The following HMCN2 variants were observed in gnomAD, a reference collection of about 807,000 sequenced individuals.
HMCN2 encodes the protein hemicentin 2.
HMCN2 carries 325 observed loss-of-function variants against 377.5 expected under a neutral mutation model. The ratio of observed to expected loss-of-function variants is 0.86; its 90% confidence interval spans 0.79 to 0.94. The LOEUF is 0.94. HMCN2 is among the 40% of genes least tolerant of loss of function. The probability of loss-of-function intolerance (pLI) is 0.00; values close to 1 mark genes in which losing one functional copy is unlikely to be tolerated. For missense variants in HMCN2, 4,543 were observed against 4,725.3 expected (o/e 0.96, Z 1.13); for synonymous variants, 2,007 against 2,046.8 (o/e 0.98, Z 0.53).
At chr9:130,385,014 A>C (rs575992806) in intron 59 of HMCN2, among the ~76,000 whole-genome samples, 1 of 152,278 alleles carries the variant, frequency 6.6e-6, no homozygotes, top group South Asian at 2.1e-4. Context: ...TGGTGGGGGA[A>C]GCCTGTTTCA....
rs1834081512 is a variant in HMCN2 at position 130,266,141 on chromosome 9, G to A, written c.259+4G>A. The A allele has an allele frequency of 2.2e-6, 1 of 463,502 alleles. No homozygotes were observed. Among genetic ancestry groups the A allele is most frequent in the South Asian group, 1.6e-5 (1 of 64,452 alleles). 28.7% of individuals were successfully genotyped at this position (463,502 alleles called of 1,614,324 possible). ...CTGGTGCCCTTCCACGACCCAGGTA[G>A]CGCCCCCGCACCCCCGCCCGCCGGG... On this transcript the variant is annotated splice_donor_region_variant and intron_variant, in intron 1 of 97. Coordinates refer to ENST00000683500, the MANE Select transcript of HMCN2 (RefSeq NM_001291815.2).
Position 130,400,884 on chromosome 9 carries a change from T to C in HMCN2, c.11707T>C (p.Ser3903Pro), listed in dbSNP as rs1227975340. ...HSTGIPAPTV[S>P]WSKAGAQLGA... ...CACGGGTATACCAGCTCCGACCGTG[T>C]CCTGGAGCAAGGCAGGCGCCCAGCT... Residue 3903 changes from serine to proline, a missense_variant, in exon 77 of 98, where the codon TCC becomes CCC. Ser to Pro is a moderately conservative substitution (Grantham distance 74). Transcript: ENST00000683500. 2.3e-6 allele frequency: 3 copies of C among 1,289,374 alleles called. No homozygotes were observed. In the African/African-American group the frequency reaches 4.6e-5, roughly 20 times the overall value. The allele number at this position is 1,289,374 out of a possible 1,614,324, so 79.9% of individuals were successfully genotyped here.
intron 3 of HMCN2, among the ~76,000 whole-genome samples, chr9:130,285,655 C>G (rs536263612): frequency 6.6e-6 from 1 of 152,354 alleles, no homozygotes; most frequent in African/African-American, 2.4e-5. Context: ...TGTTCTCTGC[C>G]GTTCCTGTCC....
chr9:130,430,563 G>C lies in HMCN2; in HGVS notation c.14606G>C (p.Trp4869Ser), dbSNP rs778458084. ...GCCCTGAGCAGTGTGGGCCGGGCCT[G>C]GTGCCCTCCTGGTTTCATCAGGCAG... The part of the protein sequence containing the change: ...PMALSSVGRA[W>S]CPPGFIRQNG... The change falls in exon 95 of 98, where the codon TGG (tryptophan) becomes TCG (serine). Residue 4869 changes from tryptophan to serine, a missense_variant. Trp to Ser is a radical substitution (Grantham distance 177). Around this residue, in one of 5 missense-constraint regions of HMCN2, gnomAD observed 1,155 missense variants for 1,157.7 expected, o/e 1.00. Coordinates refer to ENST00000683500, the MANE Select transcript of HMCN2 (RefSeq NM_001291815.2). 4.5e-6 allele frequency: 7 copies of C among 1,550,422 alleles called. No homozygotes were observed. The highest frequency in any genetic ancestry group is 1.4e-5 in the African/African-American group (1 of 73,192).
intron 85 of HMCN2, 130 bp from the exon 86 acceptor site, chr9:130,418,642 A>C: frequency 2.4e-5 from 16 of 657,296 alleles, no homozygotes; most frequent in Non-Finnish European, 2.8e-5. Context: ...ACTGGGTGGA[A>C]GGATCCTATG....
At position 130,270,124 on chromosome 9, in the gene HMCN2, T is replaced by C. The variant is rs1272703178; in HGVS notation, c.259+3987T>C. Among the ~76,000 whole-genome samples the C allele has an allele frequency of 6.1e-5, 9 of 148,318 alleles. 1 individual carries two copies. The highest frequency in any genetic ancestry group is 7.6e-5 in the Non-Finnish European group (5 of 66,036). ...CCATGCCTGGCCTTAACTGTTTCTT[T>C]TTTTTTTTAAGTGTACTTAGTATTT... On this transcript the variant is annotated intron_variant, in intron 1 of 97. Transcript: ENST00000683500.
intron 19 of HMCN2, among the ~76,000 whole-genome samples, chr9:130,322,941 G>T (rs1368138569): frequency 6.6e-6 from 1 of 152,168 alleles, no homozygotes; most frequent in Non-Finnish European, 1.5e-5. Flanking sequence ...TGGGAAGAAC[G>T]CGCGTTCCCC....
intron 46 of HMCN2, 86 bp from the exon 47 acceptor site, chr9:130,372,208 C>T (rs1381809491): frequency 1.9e-5 from 6 of 322,796 alleles, no homozygotes; most frequent in South Asian, 1.2e-4. Flanking sequence ...ATTATAATGC[C>T]TTTTCCTGCT....
At chr9:130,431,653 C>T (rs1844766230) in intron 96 of HMCN2, among the ~76,000 whole-genome samples, 167 bp downstream of exon 96, 1 of 152,220 alleles carries the variant, frequency 6.6e-6, no homozygotes, top group Admixed American at 6.5e-5. Flanking sequence ...ACACCCCAGG[C>T]TCCCACAGCC....
intron 52 of HMCN2, among the ~76,000 whole-genome samples, chr9:130,377,348 T>G: frequency 6.6e-6 from 1 of 151,638 alleles, no homozygotes; most frequent in East Asian, 1.9e-4. Context: ...CTCCTGACCT[T>G]GTGATCCACC....
Position 130,359,372 on chromosome 9 carries a change from TCA to T in HMCN2, c.5732_5733del (p.Ser1911CysfsTer14). On this transcript the variant is annotated frameshift_variant, in exon 37 of 98. Coordinates refer to ENST00000683500, the MANE Select transcript of HMCN2 (RefSeq NM_001291815.2). LOFTEE classifies it high-confidence loss of function. ...PVNKAVLENA[S>X]VTLECLASGV... ...CAACAAGGCAGTGCTGGAAAATGCC[TCA>T]GTGACCTTGGAGTGTCTGGCTTCGG... The T allele has an allele frequency of 7.7e-7, 1 of 1,304,082 alleles. No individual in the cohort carries two copies. The highest frequency in any genetic ancestry group is 1.0e-6 in the Non-Finnish European group (1 of 988,704). The allele number at this position is 1,304,082 out of a possible 1,614,324, so 80.8% of individuals were successfully genotyped here.
chr9:130,425,176 G>C (rs1003863755), intron 89 of HMCN2, 46 bp downstream of exon 89: 204 of 1,490,598 alleles, frequency 1.4e-4, no homozygotes, highest in Middle Eastern at 1.8e-4. Flanking sequence ...AGGTGAGAGA[G>C]ACGAAGGTGC....
At chr9:130,283,691 T>C (rs1835262958) in intron 1 of HMCN2, among the ~76,000 whole-genome samples, 1 of 152,198 alleles carries the variant, frequency 6.6e-6, no homozygotes, top group African/African-American at 2.4e-5. Context: ...GTGTGTGCTG[T>C]TTTGCGTCTG....
intron 86 of HMCN2, among the ~76,000 whole-genome samples, chr9:130,421,569 T>C (rs1844015549): frequency 6.6e-6 from 1 of 152,068 alleles, no homozygotes; most frequent in African/African-American, 2.4e-5. Flanking sequence ...CCTGTCCCCT[T>C]CCAAAGCTGC....
At chr9:130,311,347 G>A (rs1168718659) in intron 15 of HMCN2, among the ~76,000 whole-genome samples, 2 of 152,210 alleles carry the variant, frequency 1.3e-5, no homozygotes, top group Admixed American at 1.3e-4. Context: ...GGGTTGTGCT[G>A]TCTCAGGGTT....
chr9:130,429,454 G>A, intron 93 of HMCN2, 103 bp from the exon 94 acceptor site: 3 of 1,419,396 alleles, frequency 2.1e-6, no homozygotes, highest in Non-Finnish European at 2.9e-6. Context: ...AACTGGAGAA[G>A]GGGACAGGGA....
intron 49 of HMCN2, among the ~76,000 whole-genome samples, chr9:130,375,238 T>C (rs1219222226): frequency 3.9e-5 from 6 of 152,074 alleles, no homozygotes; most frequent in African/African-American, 1.4e-4. Context: ...CAACTCCCAC[T>C]CCCCCCTCAA....
At chr9:130,352,628 C>G (rs1839796800) in intron 30 of HMCN2, among the ~76,000 whole-genome samples, 1 of 152,048 alleles carries the variant, frequency 6.6e-6, no homozygotes, top group Non-Finnish European at 1.5e-5. Flanking sequence ...AGACTGAGGC[C>G]CAGAGAGGGG....
intron 4 of HMCN2, among the ~76,000 whole-genome samples, chr9:130,293,098 T>A (rs964518164): frequency 6.6e-6 from 1 of 152,088 alleles, no homozygotes; most frequent in Non-Finnish European, 1.5e-5. Flanking sequence ...ACATTGTAGA[T>A]CTTTTACTTA....
Sources: gnomAD v4.1 joint callset for allele counts (sites outside exome capture counted in the v4.1 genomes callset) on GRCh38, gnomAD v4.1.1 for gene constraint, gnomAD v4.1.1 regional missense constraint, MANE v1.5 for transcripts, NCBI Gene and HGNC (gene_info 2026-07-23, HGNC 2026-07-21) for gene names.